The following TLCD4 variants were observed in gnomAD, a reference collection of about 807,000 sequenced individuals.
TLCD4 encodes the protein TLC domain containing 4.
Under a neutral mutation model 24.2 loss-of-function variants are expected in TLCD4, and 7 were observed. The ratio of observed to expected loss-of-function variants is 0.29; its 90% confidence interval spans 0.16 to 0.54. The LOEUF is 0.54. Among genes scored for constraint, TLCD4 ranks in the 20% least tolerant of loss-of-function variants. The pLI, the probability that TLCD4 is intolerant of heterozygous loss-of-function variation, is 0.95. For missense variants in TLCD4, 259 were observed against 313.9 expected (o/e 0.82, Z 1.32); for synonymous variants, 103 against 106.4 (o/e 0.97, Z 0.20).
Position 95,164,984 on chromosome 1 carries a change from A to G in TLCD4, c.400-8832A>G, listed in dbSNP as rs1215559779. 2.6e-5 allele frequency: 4 copies of G among 152,214 alleles called. No homozygotes were observed. The East Asian group carries it at 7.7e-4, about 29-fold the overall frequency. The allele number at this position is 152,214 out of a possible 1,614,324, so 9.4% of individuals were successfully genotyped here. A position where few individuals can be genotyped will look rare whatever the true frequency, so the allele number is the denominator to read the frequency against. Reference sequence around the variant, plus strand: ...TTCATATCCTCAAGGATACTACTCCATCTCTGCAACCGTCTTTTCCCAGCT... The same window carrying G: ...TTCATATCCTCAAGGATACTACTCCGTCTCTGCAACCGTCTTTTCCCAGCT... On this transcript the variant is annotated intron_variant, in intron 5 of 6. Coordinates refer to ENST00000370203, the MANE Select transcript of TLCD4 (RefSeq NM_152487.3).
chr1:95,168,732 C>T lies in TLCD4; in HGVS notation c.400-5084C>T, dbSNP rs544562859. On this transcript the variant is annotated intron_variant, in intron 5 of 6. Coordinates refer to ENST00000370203, the MANE Select transcript of TLCD4 (RefSeq NM_152487.3). The stretch of plus-strand genomic sequence containing the variant: ...CACTCAGAAATAGGCCTGAAGGACT[C>T]TTGGGATTTTGACTTTAGAGGTGAT... Among the ~76,000 whole-genome samples, 3 of 152,112 alleles carry T rather than the reference C, an allele frequency of 2.0e-5. No individual in the cohort carries two copies. The South Asian group carries it at 6.2e-4, about 32-fold the overall frequency.
chr1:95,122,804 ATTAATT>A (rs1156834141), intron 1 of TLCD4, among the ~76,000 whole-genome samples: 1 of 152,218 alleles, frequency 6.6e-6, no homozygotes, highest in African/African-American at 2.4e-5. Flanking sequence ...TCTTGGTCAA[ATTAATT>A]TTAATTAGTT....
At chr1:95,134,133 G>C (rs1022351359) in intron 1 of TLCD4, among the ~76,000 whole-genome samples, 1 of 152,078 alleles carries the variant, frequency 6.6e-6, no homozygotes, top group Non-Finnish European at 1.5e-5. Context: ...GGACAATAAA[G>C]GTTCATGGGT....
In TLCD4 at chr1:95,143,969, T is replaced by C; in HGVS notation, c.68T>C (p.Phe23Ser). The C allele has an allele frequency of 6.3e-7, 1 of 1,576,180 alleles. No homozygotes were observed. Among genetic ancestry groups the C allele is most frequent in the Non-Finnish European group, 8.6e-7 (1 of 1,162,174 alleles). ...AGCTTTTTCACCTTTCAGCTTCTTT[T>C]CTACTTTGTAAGTTACTGGTTTTCA... is the stretch of plus-strand genomic sequence containing the variant. ...CISFFTFQLLFYFVSYWFSAK... is the reference protein window; with the variant it reads ...CISFFTFQLLSYFVSYWFSAK... Residue 23 changes from phenylalanine (F) to serine (S), a missense_variant, in exon 2 of 7, where the codon TTC becomes TCC. Physicochemically the swap from Phe to Ser is radical, Grantham distance 155. Coordinates refer to ENST00000370203, the MANE Select transcript of TLCD4 (RefSeq NM_152487.3).
the TLCD4 span, among the ~76,000 whole-genome samples, chr1:95,093,104 T>C: frequency 3.9e-5 from 6 of 152,210 alleles, no homozygotes; most frequent in African/African-American, 1.4e-4. Flanking sequence ...GAAATGCCAG[T>C]CATTGTTCAT....
upstream of TLCD4, among the ~76,000 whole-genome samples, chr1:95,112,634 TC>T (rs371809964): frequency 1.6e-4 from 25 of 152,310 alleles, no homozygotes; most frequent in South Asian, 4.3e-3. Flanking sequence ...AAAATAATTT[TC>T]AATCCATCTA....
the TLCD4 span, among the ~76,000 whole-genome samples, chr1:95,096,291 T>C: frequency 6.6e-6 from 1 of 152,236 alleles, no homozygotes; most frequent in African/African-American, 2.4e-5. Context: ...ACATAACCTT[T>C]GTATTGAACC....
At chr1:95,167,768 T>G (rs1451400142) in intron 5 of TLCD4, among the ~76,000 whole-genome samples, 1 of 152,184 alleles carries the variant, frequency 6.6e-6, no homozygotes, top group Non-Finnish European at 1.5e-5. Flanking sequence ...TAGCAGAGCA[T>G]ATGCTAAACC....
the TLCD4 span, among the ~76,000 whole-genome samples, chr1:95,110,579 C>T: frequency 6.6e-6 from 1 of 152,096 alleles, no homozygotes; most frequent in African/African-American, 2.4e-5. Context: ...GGAAAAATAT[C>T]GAGGAGGACA....
chr1:95,092,607 C>T, the TLCD4 span, among the ~76,000 whole-genome samples: 6 of 152,168 alleles, frequency 3.9e-5, no homozygotes, highest in Admixed American at 1.3e-4. Context: ...ACACTCACCG[C>T]GAAGGTCTGC....
At chr1:95,096,847 C>T in the TLCD4 span, among the ~76,000 whole-genome samples, 347 of 152,278 alleles carry the variant, frequency 2.3e-3, no homozygotes, top group African/African-American at 8.0e-3. Flanking sequence ...ACCATGTGTG[C>T]GTCTTGCAGA....
the TLCD4 span, among the ~76,000 whole-genome samples, chr1:95,100,906 C>G: frequency 7.7e-6 from 1 of 129,930 alleles, no homozygotes; most frequent in Admixed American, 8.4e-5. Flanking sequence ...TCAAAGGTCT[C>G]CAACTTTTTT....
At chr1:95,186,242 C>G (rs1274094801) in intron 6 of TLCD4, among the ~76,000 whole-genome samples, 4 of 152,176 alleles carry the variant, frequency 2.6e-5, no homozygotes, top group Non-Finnish European at 5.9e-5. Context: ...GCAGAGAGAG[C>G]TAAGACCACA....
At chr1:95,136,448 GTTAAC>G (rs1033365306) in intron 1 of TLCD4, among the ~76,000 whole-genome samples, 11 of 152,254 alleles carry the variant, frequency 7.2e-5, no homozygotes, top group African/African-American at 2.2e-4. Context: ...ACCTGATTCT[GTTAAC>G]TTAATGTATT....
At chr1:95,131,159 G>T (rs192582041) in intron 1 of TLCD4, among the ~76,000 whole-genome samples, 4 of 152,174 alleles carry the variant, frequency 2.6e-5, no homozygotes, top group African/African-American at 9.7e-5. Flanking sequence ...ACCCTTATGG[G>T]GCATACATTC....
chr1:95,157,061 AT>A (rs1360079753), intron 5 of TLCD4, among the ~76,000 whole-genome samples: 2 of 152,190 alleles, frequency 1.3e-5, no homozygotes, highest in Admixed American at 1.3e-4. Context: ...TAAAAGCAAT[AT>A]TGTAAATAAA....
chr1:95,148,745 C>G lies in TLCD4; in HGVS notation c.199C>G (p.Leu67Val). Reference sequence around the variant, plus strand: ...TTCTTTGGTGGTTGGTATTTTTGGCCTGTACATTTTCTTATTCGATGAGGC... The same window carrying G: ...TTCTTTGGTGGTTGGTATTTTTGGCGTGTACATTTTCTTATTCGATGAGGC... ...CHSLVVGIFG[L>V]YIFLFDEATK... is the part of the protein sequence containing the mutation. The change falls in exon 3 of 7, where the codon CTG (leucine) becomes GTG (valine). Residue 67 changes from leucine (L) to valine (V), a missense_variant. Physicochemically the swap from Leu to Val is conservative, Grantham distance 32 (BLOSUM62 1). Transcript: ENST00000370203. 1 of 1,613,634 alleles carries G rather than the reference C, an allele frequency of 6.2e-7. No homozygotes were observed.
chr1:95,184,030 A>T (rs1243819821), intron 6 of TLCD4, among the ~76,000 whole-genome samples: 1 of 152,178 alleles, frequency 6.6e-6, no homozygotes, highest in African/African-American at 2.4e-5. Context: ...TTTATTAAAT[A>T]CAAATGTTTA....
chr1:95,134,180 A>G (rs898401255), intron 1 of TLCD4, among the ~76,000 whole-genome samples: 2 of 152,112 alleles, frequency 1.3e-5, no homozygotes, highest in African/African-American at 4.8e-5. Context: ...ATTCCAGGTG[A>G]AGATAATGGA....
Sources: allele counts gnomAD v4.1 joint callset (sites outside exome capture counted in the v4.1 genomes callset), GRCh38; gene constraint gnomAD v4.1.1; transcripts MANE v1.5; gene names NCBI Gene and HGNC (gene_info 2026-07-23, HGNC 2026-07-21).